SLC45A4: variants seen among roughly 807,000 people sequenced by gnomAD.
The protein encoded by SLC45A4 is solute carrier family 45 member 4.
SLC45A4 carries 32 observed loss-of-function variants against 63.7 expected under a neutral mutation model. The ratio of observed to expected loss-of-function variants is 0.50; its 90% CI spans 0.38 to 0.67. The LOEUF (loss-of-function observed/expected upper bound fraction) is 0.67, where lower values mean the gene tolerates loss of function less well. SLC45A4 is among the 30% of genes least tolerant of loss of function. The pLI is 0.00. For missense variants in SLC45A4, 1,027 were observed against 1,157.7 expected (o/e 0.89, Z 1.64); for synonymous variants, 535 against 510.0 (o/e 1.05, Z -0.66).
intron 1 of SLC45A4, among the ~76,000 whole-genome samples, chr8:141,269,689 G>A (rs939972524): frequency 6.6e-6 from 1 of 151,340 alleles, no homozygotes; most frequent in African/African-American, 2.5e-5. Context: ...GCATGTGTAT[G>A]TGTGTCTGTG....
At chr8:141,296,872 C>A (rs960528725) in intron 1 of SLC45A4, among the ~76,000 whole-genome samples, 16 of 150,240 alleles carry the variant, frequency 1.1e-4, no homozygotes, top group Non-Finnish European at 2.4e-4. Flanking sequence ...AGGGAAAGAC[C>A]CTCACGCCCT....
At chr8:141,274,295 A>T (rs959013841) in intron 1 of SLC45A4, among the ~76,000 whole-genome samples, 1 of 152,094 alleles carries the variant, frequency 6.6e-6, no homozygotes, top group Non-Finnish European at 1.5e-5. Flanking sequence ...GCACTTTGGG[A>T]GGCTGAGGCG....
At chr8:141,253,286 C>G (rs1305578844) in intron 2 of SLC45A4, 1 of 182,826 alleles carries the variant, frequency 5.5e-6, no homozygotes, top group East Asian at 1.9e-4. Context: ...TTTTCATGCC[C>G]ACCTGCGTGT....
Position 141,210,585 on chromosome 8 carries a change from A to G in SLC45A4, c.*987T>C, listed in dbSNP as rs1263214047. 6.6e-6 allele frequency: 1 copy of G among 152,250 alleles called. No homozygotes were observed. Among genetic ancestry groups the G allele is most frequent in the African/African-American group, 2.4e-5 (1 of 41,476 alleles). The allele number at this position is 152,250 out of a possible 1,614,324, so 9.4% of individuals were successfully genotyped here. A position where few individuals can be genotyped will look rare whatever the true frequency, so the allele number is the denominator to read the frequency against. ...GCAAGACCAGAGGCCCATCAAGTAC[A>G]TTAAACAGTCGTTCCTTTAAATACA... On this transcript the variant is annotated 3_prime_UTR_variant, in exon 9 of 9. Coordinates refer to ENST00000517878, the MANE Select transcript of SLC45A4 (RefSeq NM_001286646.2).
At chr8:141,239,535 G>A (rs558126539) in intron 2 of SLC45A4, among the ~76,000 whole-genome samples, 133 of 151,978 alleles carry the variant, frequency 8.8e-4, no homozygotes, top group African/African-American at 2.9e-3. Context: ...CACCTGCTTA[G>A]CAAAGTAAGT....
In SLC45A4 at chr8:141,215,997, A is replaced by T. The variant is rs751717654; in HGVS notation, c.1730-27T>A. 4 of 1,603,550 alleles carry T rather than the reference A, an allele frequency of 2.5e-6. No individual in the cohort carries two copies. The South Asian group carries it at 4.4e-5, about 18-fold the overall frequency. ...TGCAGAGAGGGGCACAGGGACAAGG[A>T]CAGTGGGCAGGCGGCTGGCTCCTGT... is the stretch of plus-strand genomic sequence containing the variant. On this transcript the variant is annotated intron_variant, in intron 6 of 8. Coordinates refer to ENST00000517878, the MANE Select transcript of SLC45A4 (RefSeq NM_001286646.2). The surrounding 1 kb of genome is among the most constrained non-coding windows in gnomAD (Gnocchi z 4.3).
In SLC45A4 at chr8:141,229,966, C is replaced by G. The variant is rs1420473575; in HGVS notation, c.242-8201G>C. 3 of 433,666 alleles carry G rather than the reference C, an allele frequency of 6.9e-6. No homozygotes were observed. Among genetic ancestry groups the G allele is most frequent in the Non-Finnish European group, 1.4e-5 (3 of 214,744 alleles). The allele number at this position is 433,666 out of a possible 1,614,324, so 26.9% of individuals were successfully genotyped here. On this transcript the variant is annotated intron_variant, in intron 2 of 8. Transcript: ENST00000517878. The surrounding 1 kb of genome is among the most constrained non-coding windows in gnomAD (Gnocchi z 5.0). ...GGACACTAGATCCCTGCCTGCACTC[C>G]CGAGGCCGTGGTGCTCTGATGACAT... is the stretch of plus-strand genomic sequence containing the variant.
chr8:141,219,640 G>A lies in SLC45A4; in HGVS notation c.610+10C>T. 1 of 1,597,936 alleles carries A rather than the reference G, an allele frequency of 6.3e-7. No individual in the cohort carries two copies. The highest frequency in any genetic ancestry group is 8.5e-7 in the Non-Finnish European group (1 of 1,170,674). ...AACCCGGCCACCCAGCCTTGGTGCG[G>A]CAGCGTTACCGGCAGAGAAGGCGTG... On this transcript the variant is annotated intron_variant, in intron 4 of 8. Coordinates refer to ENST00000517878, the MANE Select transcript of SLC45A4 (RefSeq NM_001286646.2).
At chr8:141,271,068 A>G (rs965366807) in intron 1 of SLC45A4, among the ~76,000 whole-genome samples, 12 of 152,256 alleles carry the variant, frequency 7.9e-5, no homozygotes, top group African/African-American at 2.4e-4. Flanking sequence ...TCTGACTGAC[A>G]TCGACAATGC....
intron 1 of SLC45A4, among the ~76,000 whole-genome samples, chr8:141,297,256 G>A (rs1206133656): frequency 1.4e-5 from 2 of 142,548 alleles, no homozygotes; most frequent in Admixed American, 7.0e-5. Context: ...GCTCCACCAA[G>A]AAGAGGCGGG....
intron 1 of SLC45A4, among the ~76,000 whole-genome samples, chr8:141,276,411 G>A (rs1378948476): frequency 6.6e-6 from 1 of 152,180 alleles, no homozygotes; most frequent in African/African-American, 2.4e-5. Context: ...GAGCAAGTCT[G>A]AAAAGCTGAC....
chr8:141,268,271 C>T (rs1210372255), intron 1 of SLC45A4, among the ~76,000 whole-genome samples: 6 of 152,200 alleles, frequency 3.9e-5, no homozygotes, highest in African/African-American at 1.4e-4. Flanking sequence ...CAAAATCAAG[C>T]ACACAGTAAA....
Position 141,292,332 on chromosome 8 carries a change from A to T in SLC45A4, c.-401+15764T>A, listed in dbSNP as rs142547573. 5.1e-3 allele frequency among the ~76,000 whole-genome samples: 781 copies of T among 152,346 alleles called. 7 individuals are homozygous for T. Among genetic ancestry groups the T allele is most frequent in the African/African-American group, 0.017 (721 of 41,584 alleles). ...CACTCTGGGCTCAGGTTCCTCAGCT[A>T]TGTGGGCCGACACAGACTTCTGCTC... On this transcript the variant is annotated intron_variant, in intron 1 of 8. Coordinates refer to ENST00000517878, the MANE Select transcript of SLC45A4 (RefSeq NM_001286646.2).
intron 1 of SLC45A4, among the ~76,000 whole-genome samples, chr8:141,281,105 G>A (rs1463269942): frequency 6.6e-6 from 1 of 152,234 alleles, no homozygotes; most frequent in Non-Finnish European, 1.5e-5. Context: ...TTGGGAGGCT[G>A]AGGCGGGTGG....
In SLC45A4 at chr8:141,208,652, T is replaced by A. The variant is rs1472970967; in HGVS notation, c.*2920A>T. 2.0e-5 allele frequency: 3 copies of A among 151,590 alleles called. No homozygotes were observed. The highest frequency in any genetic ancestry group is 7.3e-5 in the African/African-American group (3 of 41,196). The allele number at this position is 151,590 out of a possible 1,614,324, so 9.4% of individuals were successfully genotyped here. ...TCCAGCTAAGGCCCCTGCCTGAGAG[T>A]GAGAAAAACAACACTCCAAAGCTAG... is the stretch of plus-strand genomic sequence containing the variant. On this transcript the variant is annotated 3_prime_UTR_variant, in exon 9 of 9. Transcript: ENST00000517878.
At chr8:141,301,555 T>C (rs963476971) in intron 1 of SLC45A4, among the ~76,000 whole-genome samples, 2 of 151,744 alleles carry the variant, frequency 1.3e-5, no homozygotes, top group African/African-American at 4.8e-5. Context: ...ATGACCGGCC[T>C]GGGCAACATG....
rs1318746415 is a variant in SLC45A4 at position 141,215,698 on chromosome 8, T to C, written c.1941+61A>G. On this transcript the variant is annotated intron_variant, in intron 7 of 8. Coordinates refer to ENST00000517878, the MANE Select transcript of SLC45A4 (RefSeq NM_001286646.2). This position sits in a 1 kb window ranked among gnomAD's most constrained non-coding sequence, Gnocchi z 4.3. ...CCCGGGGAAGCACAGGGCTCTGCTCTGTATGGAGGGAAGGCACTCAGGAGG... is the reference window on the plus strand; with the variant it reads ...CCCGGGGAAGCACAGGGCTCTGCTCCGTATGGAGGGAAGGCACTCAGGAGG... 1 of 1,553,296 alleles carries C rather than the reference T, an allele frequency of 6.4e-7. No individual in the cohort carries two copies. The highest frequency in any genetic ancestry group is 8.8e-7 in the Non-Finnish European group (1 of 1,135,558).
intron 2 of SLC45A4, among the ~76,000 whole-genome samples, chr8:141,235,331 G>A (rs1827570494): frequency 6.6e-6 from 1 of 152,146 alleles, no homozygotes; most frequent in African/African-American, 2.4e-5. Flanking sequence ...TACCGTGAGG[G>A]GCATTTCAAC....
intron 5 of SLC45A4, among the ~76,000 whole-genome samples, chr8:141,217,496 C>T (rs1003587499): frequency 2.0e-5 from 3 of 152,242 alleles, no homozygotes; most frequent in South Asian, 2.1e-4. Flanking sequence ...CAGCCTCTGC[C>T]GTGGCCCTCT....
Sources: allele counts gnomAD v4.1 joint callset (sites outside exome capture counted in the v4.1 genomes callset), GRCh38; gene constraint gnomAD v4.1.1; non-coding constraint Gnocchi (gnomAD v3.1); transcripts MANE v1.5; gene names NCBI Gene and HGNC (gene_info 2026-07-23, HGNC 2026-07-21).